Variants in ATF1 observed in about 807,000 individuals in gnomAD.
ATF1 encodes the protein activating transcription factor 1, also known as cyclic AMP-dependent transcription factor ATF-1.
In ATF1, 16 loss-of-function variants were observed where a neutral mutation model predicts 34.7. That is an observed-to-expected ratio of 0.46 (90% CI 0.31 to 0.70). The LOEUF is 0.70. ATF1 is among the 30% of genes least tolerant of loss of function. ATF1 has a pLI of 0.05. For synonymous variants in ATF1, 105 were observed against 113.1 expected (o/e 0.93, Z 0.46); for missense variants, 255 against 321.6 (o/e 0.79, Z 1.58).
intron 2 of ATF1, among the ~76,000 whole-genome samples, chr12:50,793,407 C>G (rs1056513500): frequency 6.6e-6 from 1 of 151,936 alleles, no homozygotes; most frequent in African/African-American, 2.4e-5. Context: ...GGGCGGATCA[C>G]GAGGTCAGGA....
At chr12:50,774,874 A>G (rs995102222) in intron 1 of ATF1, among the ~76,000 whole-genome samples, 3 of 150,552 alleles carry the variant, frequency 2.0e-5, no homozygotes, top group African/African-American at 2.4e-5. Flanking sequence ...CAGCCTCCCG[A>G]GTAGCTGGGA....
At chr12:50,812,779 C>T (rs918007587) in intron 4 of ATF1, among the ~76,000 whole-genome samples, 20 of 151,934 alleles carry the variant, frequency 1.3e-4, no homozygotes, top group Non-Finnish European at 4.4e-5. Context: ...GAACCAGGAC[C>T]ACACCACTGC....
chr12:50,788,240 T>C, intron 2 of ATF1: 1 of 453,652 alleles, frequency 2.2e-6, no homozygotes, highest in Non-Finnish European at 4.4e-6. Context: ...TGGTGTGCAG[T>C]AGTGTGAACA....
chr12:50,794,020 G>A (rs1052010955), intron 2 of ATF1, among the ~76,000 whole-genome samples: 7 of 151,630 alleles, frequency 4.6e-5, no homozygotes, highest in Non-Finnish European at 1.0e-4. Context: ...GCGCGATCTC[G>A]GCTTACTGCA....
intron 2 of ATF1, among the ~76,000 whole-genome samples, chr12:50,787,098 A>G (rs1420902897): frequency 6.6e-6 from 1 of 152,174 alleles, no homozygotes; most frequent in African/African-American, 2.4e-5. Flanking sequence ...CCCTACGCAC[A>G]CACACACCCT....
At chr12:50,816,736 T>C (rs1941850940) in intron 6 of ATF1, among the ~76,000 whole-genome samples, 1 of 151,898 alleles carries the variant, frequency 6.6e-6, no homozygotes, top group South Asian at 2.1e-4. Flanking sequence ...CTAAAAAAAA[T>C]TTAAAACATT....
chr12:50,795,277 G>A (rs1297789112), intron 2 of ATF1, among the ~76,000 whole-genome samples: 2 of 152,044 alleles, frequency 1.3e-5, no homozygotes, highest in African/African-American at 4.8e-5. Flanking sequence ...CAATCATTTG[G>A]TTCTCTTCTT....
chr12:50,810,194 A>T (rs901097145), intron 4 of ATF1, among the ~76,000 whole-genome samples: 3 of 147,946 alleles, frequency 2.0e-5, no homozygotes, highest in Non-Finnish European at 4.5e-5. Flanking sequence ...TTATATTAGT[A>T]TAATTCCTTT....
intron 3 of ATF1, 81 bp from the exon 4 acceptor site, chr12:50,809,372 TCAA>T: frequency 1.1e-6 from 1 of 882,494 alleles, no homozygotes. Context: ...AGATCTTGTC[TCAA>T]AAAAAAAAAA....
intron 3 of ATF1, among the ~76,000 whole-genome samples, chr12:50,803,729 T>C (rs1941560941): frequency 6.6e-6 from 1 of 152,156 alleles, no homozygotes; most frequent in African/African-American, 2.4e-5. Flanking sequence ...ATAAACAAAA[T>C]GTGGTGTATT....
intron 2 of ATF1, among the ~76,000 whole-genome samples, chr12:50,784,196 G>C (rs1490140985): frequency 6.6e-6 from 1 of 151,992 alleles, no homozygotes; most frequent in Non-Finnish European, 1.5e-5. Context: ...AAAGGAAACA[G>C]TATTTTATAA....
intron 2 of ATF1, among the ~76,000 whole-genome samples, chr12:50,784,301 A>G (rs940446740): frequency 2.0e-5 from 3 of 152,330 alleles, no homozygotes; most frequent in East Asian, 1.9e-4. Context: ...AACAAAACCT[A>G]TCAGTTGGTA....
At position 50,792,648 on chromosome 12, in the gene ATF1, C is replaced by T. The variant is rs553073168; in HGVS notation, c.94-3261C>T. Among the ~76,000 whole-genome samples, 186 of 152,234 alleles carry T rather than the reference C, an allele frequency of 1.2e-3. 1 individual carries two copies. Among genetic ancestry groups the T allele is most frequent in the Non-Finnish European group, 1.1e-3 (73 of 68,028 alleles). On this transcript the variant is annotated intron_variant, in intron 2 of 6. Coordinates refer to ENST00000262053, the MANE Select transcript of ATF1 (RefSeq NM_005171.5). ...TAAAGTTGTCTTACAAATTAGACTG[C>T]AGACCAAATCAGGCAAATAGAAAAG...
At chr12:50,783,851 C>T (rs1441698444) in intron 2 of ATF1, among the ~76,000 whole-genome samples, 4 of 133,790 alleles carry the variant, frequency 3.0e-5, no homozygotes, top group Non-Finnish European at 4.7e-5. Context: ...TGGGCGACAG[C>T]GCAAAACTCC....
intron 1 of ATF1, among the ~76,000 whole-genome samples, chr12:50,767,057 T>A (rs1940654248): frequency 6.6e-6 from 1 of 152,170 alleles, no homozygotes; most frequent in African/African-American, 2.4e-5. Context: ...TTTTCCTTTA[T>A]GATACGGCTT....
rs34967117 is a variant in ATF1, at chr12:50,820,174, A to ATGTGTGTG, written c.*405_*412dup. The ATGTGTGTG allele has an allele frequency of 4.7e-6, 1 of 210,798 alleles. No homozygotes were observed. The highest frequency in any genetic ancestry group is 9.6e-6 in the Non-Finnish European group (1 of 103,916). The allele number at this position is 210,798 out of a possible 1,614,324, so 13.1% of individuals were successfully genotyped here. A position where few individuals can be genotyped will look rare whatever the true frequency, so the allele number is the denominator to read the frequency against. ...AATTTACCTTTTTTTAGTTATATAT[A>ATGTGTGTG]TGTGTGTGTGTGTGTGTAATTTCTG... On this transcript the variant is annotated 3_prime_UTR_variant, in exon 7 of 7. Transcript: ENST00000262053.
At position 50,777,238 on chromosome 12, in the gene ATF1, AAGT is replaced by A. The variant is rs564822039; in HGVS notation, c.-6-2897_-6-2895del. Among the ~76,000 whole-genome samples the A allele has an allele frequency of 2.4e-4, 36 of 152,346 alleles. No homozygotes were observed. The South Asian group carries it at 4.8e-3, about 20-fold the overall frequency. On this transcript the variant is annotated intron_variant, in intron 1 of 6. Transcript: ENST00000262053. ...ACAGGATACAAAATATGAGGATACA[AAGT>A]AGTACATGTAGTATGGTTATGACTT...
intron 3 of ATF1, among the ~76,000 whole-genome samples, chr12:50,800,741 A>G (rs1307220032): frequency 6.6e-6 from 1 of 152,196 alleles, no homozygotes; most frequent in African/African-American, 2.4e-5. Flanking sequence ...TTCCCTATCC[A>G]TGGAAAAATT....
At chr12:50,785,435 T>A (rs933326467) in intron 2 of ATF1, among the ~76,000 whole-genome samples, 1 of 152,040 alleles carries the variant, frequency 6.6e-6, no homozygotes, top group South Asian at 2.1e-4. Flanking sequence ...GGAATTTGGT[T>A]TTTAGGCATG....
Sources: allele counts gnomAD v4.1 joint callset (sites outside exome capture counted in the v4.1 genomes callset), GRCh38; gene constraint gnomAD v4.1.1; transcripts MANE v1.5; gene names NCBI Gene and HGNC (gene_info 2026-07-23, HGNC 2026-07-21).